GSE1: variants seen among roughly 807,000 people sequenced by gnomAD.
GSE1 encodes Gse1 coiled-coil protein.
In GSE1, 32 loss-of-function variants were observed where a neutral mutation model predicts 112.6. That is an observed-to-expected ratio of 0.28 (90% CI 0.21 to 0.38). The LOEUF is 0.38. Among genes scored for constraint, GSE1 ranks in the 10% least tolerant of loss-of-function variants. The probability of loss-of-function intolerance (pLI) is 1.00; values close to 1 mark genes in which losing one functional copy is unlikely to be tolerated. For missense variants in GSE1, 2,348 were observed against 1,699.2 expected, an observed-to-expected ratio of 1.38 and a Z score of -6.71; for synonymous variants, 1,115 against 735.6, an observed-to-expected ratio of 1.52 and a Z score of -8.35.
At chr16:85,229,550 C>G (rs1378284087) in intron 1 of GSE1, among the ~76,000 whole-genome samples, 1 of 152,202 alleles carries the variant, frequency 6.6e-6, no homozygotes, top group African/African-American at 2.4e-5. Flanking sequence ...ATTTCATACT[C>G]ACATGAGTTC....
chr16:85,569,092 T>G (rs1307938939), intron 1 of GSE1, among the ~76,000 whole-genome samples: 2 of 152,120 alleles, frequency 1.3e-5, no homozygotes, highest in Non-Finnish European at 2.9e-5. Flanking sequence ...AAATAGTAAG[T>G]TTGCATTTTT....
Position 85,657,406 on chromosome 16 carries a change from G to C in GSE1, c.1442G>C (p.Ser481Thr). ...GGCATCTTCTCTCTGCCTAGCAGCA[G>C]TGCTGCCACAGCCCTGCTGATCCAG... is the stretch of plus-strand genomic sequence containing the variant. ...NHGIFSLPSSSAATALLIQRT... is the reference protein window; with the variant it reads ...NHGIFSLPSSTAATALLIQRT... The change falls in exon 8 of 16, where the codon AGT becomes ACT. Residue 481 changes from serine to threonine, a missense_variant. Transcript: ENST00000253458. The C allele has an allele frequency of 6.2e-7, 1 of 1,612,750 alleles. No homozygotes were observed. The highest frequency in any genetic ancestry group is 1.7e-4 in the Middle Eastern group (1 of 6,060).
At chr16:85,301,287 C>A (rs2045517263) in intron 1 of GSE1, among the ~76,000 whole-genome samples, 1 of 152,220 alleles carries the variant, frequency 6.6e-6, no homozygotes, top group African/African-American at 2.4e-5. Flanking sequence ...TTGCTAAGAA[C>A]CCAGGCAGCT....
At chr16:85,606,887 C>G (rs571490818), upstream of GSE1, among the ~76,000 whole-genome samples, 28 of 152,318 alleles carry the variant, frequency 1.8e-4, no homozygotes, top group South Asian at 5.6e-3. Flanking sequence ...AGGGTCCGAG[C>G]GCTGCTCCCC....
chr16:85,584,536 G>A (rs1191197786), intron 1 of GSE1, among the ~76,000 whole-genome samples: 1 of 152,204 alleles, frequency 6.6e-6, no homozygotes, highest in Admixed American at 6.5e-5. Context: ...CTTTGAGAAC[G>A]CCTGCGAAGC....
chr16:85,664,952 G>A (rs1054036799), intron 11 of GSE1, 63 bp from the exon 12 acceptor site: 15 of 1,113,582 alleles, frequency 1.3e-5, no homozygotes, highest in Admixed American at 1.7e-5. Flanking sequence ...CTAGAATCCC[G>A]CTGTCCTTCT....
chr16:85,526,736 C>A (rs1026070150), intron 2 of GSE1, among the ~76,000 whole-genome samples: 1 of 152,200 alleles, frequency 6.6e-6, no homozygotes, highest in African/African-American at 2.4e-5. Context: ...AGCCACCTCT[C>A]CCCTCACTTC....
chr16:85,503,039 A>G (rs1253263628), intron 2 of GSE1, among the ~76,000 whole-genome samples: 3 of 152,196 alleles, frequency 2.0e-5, no homozygotes, highest in African/African-American at 7.2e-5. Flanking sequence ...CTGAGCTTGT[A>G]TTTGAGGAAA....
At chr16:85,649,147 C>T (rs1272053347) in intron 3 of GSE1, among the ~76,000 whole-genome samples, 2 of 152,150 alleles carry the variant, frequency 1.3e-5, no homozygotes, top group African/African-American at 4.8e-5. Context: ...ATCTCCTCTT[C>T]TCATAAGGAC....
Position 85,665,005 on chromosome 16 carries a change from T to C in GSE1, c.2645-10T>C, listed in dbSNP as rs1029447199. On this transcript the variant is annotated splice_polypyrimidine_tract_variant and intron_variant, in intron 11 of 15. Transcript: ENST00000253458. ...ACTGGCTCGTTAATCTCAGGCTGCT[T>C]TTCTCATAGACAAAGAGAGACTTGT... 8 of 1,561,544 alleles carry C rather than the reference T, an allele frequency of 5.1e-6. No individual in the cohort carries two copies. Among genetic ancestry groups the C allele is most frequent in the Non-Finnish European group, 7.1e-6 (8 of 1,132,452 alleles).
chr16:85,424,021 C>T (rs2048911732), intron 2 of GSE1, among the ~76,000 whole-genome samples: 1 of 152,260 alleles, frequency 6.6e-6, no homozygotes, highest in Non-Finnish European at 1.5e-5. Flanking sequence ...CCTGCATCCA[C>T]CAGGGAGGCC....
At chr16:85,290,966 C>G (rs899395669) in intron 1 of GSE1, among the ~76,000 whole-genome samples, 1 of 152,198 alleles carries the variant, frequency 6.6e-6, no homozygotes. Flanking sequence ...TGCCCGTTCT[C>G]AGTGTCAGAG....
In GSE1 at chr16:85,673,085, CAACA is replaced by C. The variant is rs960150563; in HGVS notation, c.*548_*551del. On this transcript the variant is annotated 3_prime_UTR_variant, in exon 16 of 16. Transcript: ENST00000253458. ...CTTTCCTGCAAAATTTTCTTCAAAG[CAACA>C]AGTCCTAGGAGCACACAAAGCAACC... 1 of 144,246 alleles carries C rather than the reference CAACA, an allele frequency of 6.9e-6. No homozygotes were observed. Among genetic ancestry groups the C allele is most frequent in the Admixed American group, 6.7e-5 (1 of 14,986 alleles). The allele number at this position is 144,246 out of a possible 1,614,324, so 8.9% of individuals were successfully genotyped here.
chr16:85,304,818 C>T (rs1357602214), intron 1 of GSE1, among the ~76,000 whole-genome samples: 2 of 152,206 alleles, frequency 1.3e-5, no homozygotes, highest in East Asian at 3.8e-4. Flanking sequence ...GACTCAATGT[C>T]CCCCTCTTTC....
intron 2 of GSE1, among the ~76,000 whole-genome samples, chr16:85,528,275 A>C (rs1043322487): frequency 6.6e-6 from 1 of 152,168 alleles, no homozygotes; most frequent in Non-Finnish European, 1.5e-5. Flanking sequence ...TAAAAGAGTA[A>C]GGATTGGGGG....
chr16:85,254,626 C>G (rs1906867693), intron 1 of GSE1, among the ~76,000 whole-genome samples: 2 of 152,198 alleles, frequency 1.3e-5, no homozygotes, highest in East Asian at 3.9e-4. Flanking sequence ...TCCACACATC[C>G]TCGCGCCTCG....
chr16:85,255,303 C>T (rs570369069), intron 1 of GSE1, among the ~76,000 whole-genome samples: 6 of 152,284 alleles, frequency 3.9e-5, no homozygotes, highest in South Asian at 2.1e-4. Flanking sequence ...GCCCAGCTGC[C>T]GGCCCAGCCT....
intron 14 of GSE1, among the ~76,000 whole-genome samples, chr16:85,668,735 G>C (rs2053088883): frequency 1.3e-5 from 2 of 152,184 alleles, no homozygotes; most frequent in Admixed American, 6.5e-5. Context: ...TTCGTGTAAG[G>C]GTCCTGGGAG....
At chr16:85,612,261 C>T (rs1331357814), upstream of GSE1, among the ~76,000 whole-genome samples, 3 of 123,840 alleles carry the variant, frequency 2.4e-5, no homozygotes, top group Non-Finnish European at 3.5e-5. Flanking sequence ...CGGGGCGGGG[C>T]GGGGTGGGCG....
Sources: gnomAD v4.1 joint callset for allele counts (sites outside exome capture counted in the v4.1 genomes callset) on GRCh38, gnomAD v4.1.1 for gene constraint, MANE v1.5 for transcripts, NCBI Gene and HGNC (gene_info 2026-07-23, HGNC 2026-07-21) for gene names.